Variants in KLHL1 observed in about 807,000 individuals in gnomAD.
KLHL1 encodes kelch-like protein 1.
Under a neutral mutation model 77.7 loss-of-function variants are expected in KLHL1, and 47 were observed. The ratio of observed to expected loss-of-function variants is 0.60; its 90% confidence interval spans 0.48 to 0.77. KLHL1 has a LOEUF of 0.77. Among genes scored for constraint, KLHL1 ranks in the 30% least tolerant of loss-of-function variants. KLHL1 has a pLI of 0.00. For missense variants in KLHL1, 925 were observed against 910.8 expected, an observed-to-expected ratio of 1.02 and a Z score of -0.20; for synonymous variants, 360 against 325.2, an observed-to-expected ratio of 1.11 and a Z score of -1.15.
chr13:69,827,720 AC>A (rs1878604008), intron 6 of KLHL1, among the ~76,000 whole-genome samples: 1 of 133,234 alleles, frequency 7.5e-6, no homozygotes, highest in East Asian at 2.1e-4. Flanking sequence ...ACAGAGCGAG[AC>A]CCTGTCTCAA....
At chr13:70,085,138 T>G (rs1055943030) in intron 1 of KLHL1, among the ~76,000 whole-genome samples, 1 of 152,020 alleles carries the variant, frequency 6.6e-6, no homozygotes, top group African/African-American at 2.4e-5. Context: ...CATGTATGTA[T>G]GAATGTGGGA....
intron 3 of KLHL1, among the ~76,000 whole-genome samples, chr13:69,947,028 TTGTG>T (rs59606834): frequency 0.043 from 6,240 of 145,868 alleles, 264 homozygotes; most frequent in East Asian, 0.21. Context: ...TGTGTGTGTG[TTGTG>T]TGTGTGTGTG....
At chr13:69,705,365 G>A (rs1296221011) in intron 10 of KLHL1, among the ~76,000 whole-genome samples, 3 of 151,520 alleles carry the variant, frequency 2.0e-5, no homozygotes, top group Non-Finnish European at 1.5e-5. Flanking sequence ...ACTGTTAATC[G>A]ATTCCTAATC....
chr13:69,841,430 T>A (rs1250237088), intron 5 of KLHL1, among the ~76,000 whole-genome samples: 1 of 148,256 alleles, frequency 6.7e-6, no homozygotes, highest in Non-Finnish European at 1.5e-5. Context: ...ACAATCTAGT[T>A]GAGAAAAAAA....
intron 1 of KLHL1, among the ~76,000 whole-genome samples, chr13:69,986,718 A>T (rs1593652425): frequency 1.3e-5 from 2 of 152,126 alleles, no homozygotes; most frequent in Admixed American, 1.3e-4. Flanking sequence ...TTTTCCTACC[A>T]AAGTTTTGCT....
At chr13:69,835,665 A>G (rs1312710627) in intron 6 of KLHL1, among the ~76,000 whole-genome samples, 1 of 152,112 alleles carries the variant, frequency 6.6e-6, no homozygotes, top group Non-Finnish European at 1.5e-5. Flanking sequence ...AAAATTAATT[A>G]TGACTTTAAA....
At chr13:69,861,888 C>T (rs1880180188) in intron 5 of KLHL1, among the ~76,000 whole-genome samples, 1 of 150,426 alleles carries the variant, frequency 6.6e-6, no homozygotes, top group South Asian at 2.1e-4. Context: ...TTGCCTGAAC[C>T]TGGGAGGCGG....
intron 9 of KLHL1, among the ~76,000 whole-genome samples, chr13:69,713,608 T>C (rs189109826): frequency 3.9e-5 from 6 of 152,276 alleles, no homozygotes; most frequent in Admixed American, 2.0e-4. Flanking sequence ...TAAACTCACA[T>C]TGGATTTATA....
intron 1 of KLHL1, among the ~76,000 whole-genome samples, chr13:70,072,417 A>C (rs2137419311): frequency 6.6e-6 from 1 of 152,234 alleles, no homozygotes; most frequent in South Asian, 2.1e-4. Flanking sequence ...TTGAAGAAAT[A>C]TTTTCTAATC....
chr13:69,825,989 GA>G (rs11313559), intron 6 of KLHL1, among the ~76,000 whole-genome samples: 144,611 of 152,076 alleles, frequency 0.95, 68,927 homozygotes, highest in East Asian at 1. Flanking sequence ...CTTACTTACA[GA>G]AAAAAAAAGA....
intron 1 of KLHL1, among the ~76,000 whole-genome samples, chr13:70,067,548 A>C (rs1482337056): frequency 2.0e-5 from 3 of 152,138 alleles, no homozygotes; most frequent in East Asian, 3.9e-4. Context: ...GGTTCAAATA[A>C]GGCAGATCAT....
chr13:69,922,390 T>C (rs1882671692), intron 4 of KLHL1, among the ~76,000 whole-genome samples: 2 of 152,236 alleles, frequency 1.3e-5, no homozygotes, highest in South Asian at 4.1e-4. Flanking sequence ...AAATATCTGG[T>C]ATAGTAAAAT....
At chr13:70,009,623 T>C (rs1885483650) in intron 1 of KLHL1, among the ~76,000 whole-genome samples, 1 of 152,134 alleles carries the variant, frequency 6.6e-6, no homozygotes, top group African/African-American at 2.4e-5. Context: ...GTTGAAATAT[T>C]GGCTGTGTTA....
chr13:69,923,401 G>C (rs935331098), intron 4 of KLHL1, among the ~76,000 whole-genome samples: 2 of 152,188 alleles, frequency 1.3e-5, no homozygotes, highest in East Asian at 1.9e-4. Context: ...GTGGTAATCT[G>C]TTTTGGAGGG....
intron 4 of KLHL1, among the ~76,000 whole-genome samples, chr13:69,896,913 G>C (rs56328038): frequency 1.3e-5 from 2 of 151,752 alleles, no homozygotes; most frequent in African/African-American, 4.8e-5. Context: ...CTCATGATCC[G>C]CCCGCCTCAG....
chr13:69,887,300 G>A (rs569641696), intron 4 of KLHL1, among the ~76,000 whole-genome samples: 5 of 151,974 alleles, frequency 3.3e-5, no homozygotes, highest in South Asian at 4.2e-4. Context: ...CTATTTCATC[G>A]GATATAAAGG....
chr13:69,955,185 A>C (rs1170491408), intron 3 of KLHL1, among the ~76,000 whole-genome samples: 1 of 151,382 alleles, frequency 6.6e-6, no homozygotes, highest in Non-Finnish European at 1.5e-5. Context: ...TCTAATTACA[A>C]TAAAAATTCT....
At chr13:69,935,429 CAAT>C (rs1262755719) in intron 4 of KLHL1, among the ~76,000 whole-genome samples, 2 of 151,706 alleles carry the variant, frequency 1.3e-5, no homozygotes, top group African/African-American at 2.4e-5. Flanking sequence ...ACAAAAACAA[CAAT>C]AACAAAAACA....
chr13:69,718,036 G>A (rs957856550), intron 9 of KLHL1, among the ~76,000 whole-genome samples: 1 of 151,988 alleles, frequency 6.6e-6, no homozygotes, highest in Non-Finnish European at 1.5e-5. Flanking sequence ...ACCATCTCTT[G>A]CCAATGGACT....
Sources: gnomAD v4.1 joint callset for allele counts (sites outside exome capture counted in the v4.1 genomes callset) on GRCh38, gnomAD v4.1.1 for gene constraint, MANE v1.5 for transcripts, NCBI Gene and HGNC (gene_info 2026-07-23, HGNC 2026-07-21) for gene names.